The following ESYT2 variants were observed in gnomAD, a reference collection of about 807,000 sequenced individuals.
ESYT2 encodes extended synaptotagmin-2.
Under a neutral mutation model 107.2 loss-of-function variants are expected in ESYT2, and 54 were observed. That is an observed-to-expected ratio of 0.50 (90% CI 0.40 to 0.63). ESYT2 has a LOEUF of 0.63. Among genes scored for constraint, ESYT2 ranks in the 30% least tolerant of loss-of-function variants. The pLI, the probability that ESYT2 is intolerant of heterozygous loss-of-function variation, is 0.00. For synonymous variants in ESYT2, 491 were observed against 434.1 expected (o/e 1.13, Z -1.63); for missense variants, 1,020 against 1,094.5 (o/e 0.93, Z 0.96).
chr7:158,745,154 CA>C, intron 16 of ESYT2, among the ~76,000 whole-genome samples: 1 of 151,814 alleles, frequency 6.6e-6, no homozygotes, highest in African/African-American at 2.4e-5. Flanking sequence ...GAGACAGGGT[CA>C]GGCAAGCGGC....
rs1836788084 is a variant in ESYT2 at position 158,732,698 on chromosome 7, C to CT, written c.*1508dup. 6.6e-6 allele frequency: 1 copy of CT among 152,626 alleles called. No homozygotes were observed. Among genetic ancestry groups the CT allele is most frequent in the Non-Finnish European group, 1.5e-5 (1 of 68,036 alleles). 9.5% of individuals were successfully genotyped at this position (152,626 alleles called of 1,614,324 possible). A position where few individuals can be genotyped will look rare whatever the true frequency, so the allele number is the denominator to read the frequency against. ...GACGCCACCCGCCCCGTCACAGGCACTTTGGTTTGTTTGGTCATGTGAGTT... is the reference window on the plus strand; with the variant it reads ...GACGCCACCCGCCCCGTCACAGGCACTTTTGGTTTGTTTGGTCATGTGAGTT... On this transcript the variant is annotated 3_prime_UTR_variant, in exon 23 of 23. Transcript: ENST00000275418.
At chr7:158,808,365 G>A (rs1839895689) in intron 1 of ESYT2, among the ~76,000 whole-genome samples, 1 of 152,246 alleles carries the variant, frequency 6.6e-6, no homozygotes, top group Non-Finnish European at 1.5e-5. Flanking sequence ...GTGCTGTCTT[G>A]ATCGTCAGCT....
intron 7 of ESYT2, among the ~76,000 whole-genome samples, chr7:158,770,554 G>A (rs1183831498): frequency 6.6e-6 from 1 of 150,754 alleles, no homozygotes; most frequent in East Asian, 1.9e-4. Flanking sequence ...TCACTCTGTC[G>A]CCCAGGCTGG....
intron 1 of ESYT2, among the ~76,000 whole-genome samples, chr7:158,826,714 G>A (rs966412083): frequency 6.6e-6 from 1 of 150,720 alleles, no homozygotes; most frequent in Non-Finnish European, 1.5e-5. Flanking sequence ...CCAGCTATTC[G>A]GGAGGCTGAG....
chr7:158,827,353 T>C (rs1840487511), intron 1 of ESYT2, among the ~76,000 whole-genome samples: 1 of 152,166 alleles, frequency 6.6e-6, no homozygotes, highest in African/African-American at 2.4e-5. Context: ...ACTCTGTTTT[T>C]AGCTACTTTT....
intron 10 of ESYT2, among the ~76,000 whole-genome samples, 155 bp downstream of exon 10, chr7:158,762,928 T>C (rs955663668): frequency 6.6e-5 from 10 of 152,242 alleles, no homozygotes; most frequent in African/African-American, 2.4e-4. Flanking sequence ...ATAAAAATGT[T>C]TTAAGAAATC....
At chr7:158,811,682 G>A (rs1219824786) in intron 1 of ESYT2, among the ~76,000 whole-genome samples, 1 of 152,130 alleles carries the variant, frequency 6.6e-6, no homozygotes, top group African/African-American at 2.4e-5. Flanking sequence ...AACTTTCTAT[G>A]GCTGTTCTCC....
At chr7:158,822,032 A>C (rs1479366846) in intron 1 of ESYT2, among the ~76,000 whole-genome samples, 3 of 152,060 alleles carry the variant, frequency 2.0e-5, no homozygotes, top group Non-Finnish European at 4.4e-5. Flanking sequence ...CTCTGAGCAG[A>C]GTGTAAATAT....
chr7:158,735,578 C>G lies in ESYT2; in HGVS notation c.2430G>C (p.Val810=), dbSNP rs35914882. Residue 810 remains valine, a synonymous_variant, in exon 21 of 23, where the codon GTG becomes GTC. Transcript: ENST00000275418. ...SFDFSVSLPE[V]QRRTLDVAVK... Reference sequence around the variant, plus strand: ...CGGCAACGTCGAGCGTTCTCCTCTGCACTTCTGGTAACGAAACACTGAAAT... The same window carrying G: ...CGGCAACGTCGAGCGTTCTCCTCTGGACTTCTGGTAACGAAACACTGAAAT... 175,700 of 1,600,592 alleles carry G rather than the reference C, an allele frequency of 0.11. 10,804 individuals carry two copies. Among genetic ancestry groups the G allele is most frequent in the African/African-American group, 0.12 (8,757 of 74,570 alleles).
intron 13 of ESYT2, among the ~76,000 whole-genome samples, chr7:158,755,433 A>G (rs1442282729): frequency 6.6e-6 from 1 of 152,216 alleles, no homozygotes; most frequent in Admixed American, 6.5e-5. Context: ...CGCTCCTGAT[A>G]CAAGGTCAGA....
Position 158,743,652 on chromosome 7 carries a change from G to A in ESYT2, c.1671C>T (p.Ser557=). 6.2e-7 allele frequency: 1 copy of A among 1,613,084 alleles called. No homozygotes were observed. Among genetic ancestry groups the A allele is most frequent in the South Asian group, 1.1e-5 (1 of 90,964 alleles). ...VEVRDEQHQC[S]LGNLKVPLSQ... is the part of the protein sequence containing the mutation. ...TGAGGGGGACCTTCAGGTTCCCCAG[G>A]GAACACTGGTGCTGCTCGTCTCTGA... Residue 557 remains serine, a synonymous_variant, in exon 17 of 23, where the codon TCC becomes TCT. Coordinates refer to ENST00000275418, the MANE Select transcript of ESYT2 (RefSeq NM_001367773.1).
intron 4 of ESYT2, among the ~76,000 whole-genome samples, chr7:158,792,869 C>T (rs1839347737): frequency 6.7e-6 from 1 of 148,766 alleles, no homozygotes; most frequent in African/African-American, 2.5e-5. Context: ...CCCAGGTTCA[C>T]ACCACTCTCC....
chr7:158,780,194 CG>C (rs1838723321), intron 6 of ESYT2, among the ~76,000 whole-genome samples: 1 of 152,216 alleles, frequency 6.6e-6, no homozygotes, highest in South Asian at 2.1e-4. Flanking sequence ...ACCAGTAACA[CG>C]GGAACAATCC....
intron 1 of ESYT2, among the ~76,000 whole-genome samples, chr7:158,820,360 A>G (rs1840256651): frequency 6.6e-6 from 1 of 152,230 alleles, no homozygotes; most frequent in South Asian, 2.1e-4. Context: ...TAGATTTTCT[A>G]GTGTTCCACC....
At chr7:158,786,070 T>C (rs570321866) in intron 6 of ESYT2, among the ~76,000 whole-genome samples, 2 of 152,332 alleles carry the variant, frequency 1.3e-5, no homozygotes, top group East Asian at 3.9e-4. Flanking sequence ...GTTTGATGAC[T>C]TTACTCACCA....
intron 13 of ESYT2, among the ~76,000 whole-genome samples, chr7:158,758,619 T>C (rs1291823341): frequency 6.6e-6 from 1 of 152,190 alleles, no homozygotes; most frequent in Non-Finnish European, 1.5e-5. Context: ...GGAAAGAAAC[T>C]TCTGCACCGC....
chr7:158,790,025 G>GGGAGAGTCCTCCTGGGGGC (rs200247527), intron 4 of ESYT2, among the ~76,000 whole-genome samples: 113 of 152,058 alleles, frequency 7.4e-4, no homozygotes, highest in Non-Finnish European at 1.0e-3. Context: ...CAGCCCAGTG[G>GGGAGAGTCCTCCTGGGGGC]GGAGAGTCCT....
In ESYT2 at chr7:158,743,506, T is replaced by C. The variant is rs758554793; in HGVS notation, c.1794+23A>G. On this transcript the variant is annotated intron_variant, in intron 17 of 22. Coordinates refer to ENST00000275418, the MANE Select transcript of ESYT2 (RefSeq NM_001367773.1). The stretch of plus-strand genomic sequence containing the variant: ...ACCCGCCTCCCCATCCCCTATGGTG[T>C]TCACTGCAGGACGACACGATACCCG... 15 of 1,592,998 alleles carry C rather than the reference T, an allele frequency of 9.4e-6. No individual in the cohort carries two copies. The highest frequency in any genetic ancestry group is 1.0e-5 in the Non-Finnish European group (12 of 1,173,110).
chr7:158,759,995 C>T, intron 12 of ESYT2, 63 bp downstream of exon 12: 1 of 1,463,680 alleles, frequency 6.8e-7, no homozygotes, highest in African/African-American at 1.4e-5. Context: ...AACTGAGAGA[C>T]CAAGCTCAGT....
Sources: allele counts gnomAD v4.1 joint callset (sites outside exome capture counted in the v4.1 genomes callset), GRCh38; gene constraint gnomAD v4.1.1; transcripts MANE v1.5; gene names NCBI Gene and HGNC (gene_info 2026-07-23, HGNC 2026-07-21).